The following EXOG variants were observed in gnomAD, a reference collection of about 807,000 sequenced individuals.
The protein encoded by EXOG is nuclease EXOG, mitochondrial.
EXOG carries 27 observed loss-of-function variants against 25.8 expected under a neutral mutation model. The observed-to-expected ratio is 1.05, with a 90% confidence interval of 0.77 to 1.45. The LOEUF (loss-of-function observed/expected upper bound fraction) is 1.45, where lower values mean the gene tolerates loss of function less well. Among genes scored for constraint, EXOG ranks in the 40% most tolerant of loss-of-function variants. The pLI is 0.00. For missense variants in EXOG, 458 were observed against 450.5 expected, an observed-to-expected ratio of 1.02 and a Z score of -0.15; for synonymous variants, 133 against 167.0, an observed-to-expected ratio of 0.80 and a Z score of 1.57.
intron 5 of EXOG, among the ~76,000 whole-genome samples, chr3:38,520,985 A>G (rs950135599): frequency 2.0e-5 from 3 of 152,190 alleles, no homozygotes; most frequent in East Asian, 3.9e-4. Flanking sequence ...TATTATGTAG[A>G]TTGAGTTGTC....
Position 38,496,372 on chromosome 3 carries a change from C to T in EXOG, c.5C>T (p.Ala2Val). The change falls in exon 1 of 6, where the codon GCT becomes GTT. Residue 2 changes from alanine to valine, a missense_variant. By Grantham distance (64) the Ala-to-Val change is moderately conservative. Coordinates refer to ENST00000287675, the MANE Select transcript of EXOG (RefSeq NM_005107.4). The stretch of plus-strand genomic sequence containing the variant: ...AAGGCCGGTACCTCGGGCAAGATGG[C>T]TATCAAGAGTATCGCTTCCCGCCTC... The part of the protein sequence containing the change: M[A>V]IKSIASRLRG... 2 of 1,613,312 alleles carry T rather than the reference C, an allele frequency of 1.2e-6. No individual in the cohort carries two copies. The highest frequency in any genetic ancestry group is 1.1e-5 in the South Asian group (1 of 91,016).
At chr3:38,499,566 T>C (rs2059986500) in intron 2 of EXOG, 4 of 422,258 alleles carry the variant, frequency 9.5e-6, no homozygotes, top group African/African-American at 8.3e-5. Context: ...AATGATGGAC[T>C]GAGTTATTCA....
chr3:38,512,909 A>T (rs1231126801), intron 5 of EXOG, among the ~76,000 whole-genome samples: 1 of 152,006 alleles, frequency 6.6e-6, no homozygotes, highest in Non-Finnish European at 1.5e-5. Flanking sequence ...AGATCTTCCC[A>T]CTTCAGCCTA....
intron 4 of EXOG, chr3:38,505,485 G>A (rs1488539333): frequency 2.6e-5 from 4 of 152,110 alleles, no homozygotes; most frequent in Middle Eastern, 3.4e-3. Context: ...AATTTTTAAG[G>A]CCAGTCAAGT....
intron 5 of EXOG, chr3:38,523,398 C>G (rs2060781661): frequency 1.1e-6 from 1 of 879,752 alleles, no homozygotes; most frequent in African/African-American, 1.8e-5. Context: ...GAGTCTTGCT[C>G]TGTCGGCCAG....
rs570766912 is a variant in EXOG, at chr3:38,525,120, A to G, written c.*758A>G. On this transcript the variant is annotated 3_prime_UTR_variant, in exon 6 of 6. Transcript: ENST00000287675. The stretch of plus-strand genomic sequence containing the variant: ...TCTGCTCATTAAATGTGTTCTATAT[A>G]CTAGGCTCAGTGCTTTACATGTGTT... 6 of 948,910 alleles carry G rather than the reference A, an allele frequency of 6.3e-6. No homozygotes were observed. Among genetic ancestry groups the G allele is most frequent in the East Asian group, 1.2e-4 (1 of 8,626 alleles). 58.8% of individuals were successfully genotyped at this position (948,910 alleles called of 1,614,324 possible). A position where few individuals can be genotyped will look rare whatever the true frequency, so the allele number is the denominator to read the frequency against.
intron 5 of EXOG, among the ~76,000 whole-genome samples, chr3:38,512,028 A>G (rs1224211821): frequency 1.3e-5 from 2 of 152,230 alleles, no homozygotes; most frequent in Non-Finnish European, 2.9e-5. Flanking sequence ...TTATCTACAG[A>G]AGCCCAAAAG....
chr3:38,506,903 G>A lies in EXOG; in HGVS notation c.580G>A (p.Val194Met), dbSNP rs2060216674. ...GACAGAAAGGTTTGAAGATGTTTGGGTGGTATCTGGGCCTTTGACCTTACC... is the reference window on the plus strand; with the variant it reads ...GACAGAAAGGTTTGAAGATGTTTGGATGGTATCTGGGCCTTTGACCTTACC... ...ELTERFEDVW[V>M]VSGPLTLPQT... Residue 194 changes from valine to methionine, a missense_variant, in exon 5 of 6, where the codon GTG (valine) becomes ATG (methionine). Coordinates refer to ENST00000287675, the MANE Select transcript of EXOG (RefSeq NM_005107.4). The A allele has an allele frequency of 2.5e-6, 4 of 1,607,442 alleles. No homozygotes were observed. The highest frequency in any genetic ancestry group is 3.4e-6 in the Non-Finnish European group (4 of 1,174,170).
intron 5 of EXOG, among the ~76,000 whole-genome samples, chr3:38,520,203 C>T (rs1364073013): frequency 6.6e-6 from 1 of 152,034 alleles, no homozygotes; most frequent in Non-Finnish European, 1.5e-5. Flanking sequence ...CTGGGTGGCA[C>T]AGGTGGTGGT....
At chr3:38,505,009 C>G (rs2060160829) in intron 4 of EXOG, among the ~76,000 whole-genome samples, 1 of 152,164 alleles carries the variant, frequency 6.6e-6, no homozygotes, top group Non-Finnish European at 1.5e-5. Flanking sequence ...TAGCAGATTG[C>G]AGATATTTTA....
chr3:38,514,463 C>T (rs1044956777), intron 5 of EXOG, among the ~76,000 whole-genome samples: 4 of 152,064 alleles, frequency 2.6e-5, no homozygotes, highest in Non-Finnish European at 2.9e-5. Context: ...GAATTCTGAA[C>T]CCTGGAGCAC....
rs182239408 is a variant in EXOG at position 38,518,559 on chromosome 3, C to T, written c.646-5342C>T. Reference sequence around the variant, plus strand: ...GTGCTTGGAAAGTGTTTTGTTTTCTCAGATCTAGCCATTTAATATTTACTG... The same window carrying T: ...GTGCTTGGAAAGTGTTTTGTTTTCTTAGATCTAGCCATTTAATATTTACTG... On this transcript the variant is annotated intron_variant, in intron 5 of 5. Transcript: ENST00000287675. 1.7e-4 allele frequency among the ~76,000 whole-genome samples: 26 copies of T among 152,314 alleles called. No individual in the cohort carries two copies. The East Asian group carries it at 4.8e-3, about 28-fold the overall frequency.
intron 5 of EXOG, among the ~76,000 whole-genome samples, chr3:38,521,109 T>A (rs1249984439): frequency 1.3e-5 from 2 of 152,236 alleles, no homozygotes; most frequent in African/African-American, 4.8e-5. Context: ...CCTGTCCCTA[T>A]ATTAGACAGA....
intron 5 of EXOG, 78 bp downstream of exon 5, chr3:38,507,046 A>G (rs780927038): frequency 1.7e-5 from 11 of 636,456 alleles, no homozygotes; most frequent in South Asian, 1.5e-4. Context: ...TTTTATTTTT[A>G]TTTTTATCAT....
In EXOG at chr3:38,512,536, A is replaced by T. The variant is rs184113365; in HGVS notation, c.645+5568A>T. 6.2e-4 allele frequency among the ~76,000 whole-genome samples: 94 copies of T among 152,314 alleles called. 1 individual carries two copies. The highest frequency in any genetic ancestry group is 8.1e-4 in the Non-Finnish European group (55 of 68,020). On this transcript the variant is annotated intron_variant, in intron 5 of 5. Transcript: ENST00000287675. ...ATTTATTGTTTATTTCTTGCACTGC[A>T]CTATACTCTGCTAGTCATATATACT...
chr3:38,520,051 T>C (rs1244341897), intron 5 of EXOG, among the ~76,000 whole-genome samples: 1 of 152,220 alleles, frequency 6.6e-6, no homozygotes, highest in Non-Finnish European at 1.5e-5. Flanking sequence ...TGTAACCAAA[T>C]ATATCTATCT....
intron 5 of EXOG, among the ~76,000 whole-genome samples, chr3:38,507,728 G>A (rs1249085760): frequency 6.6e-6 from 1 of 152,162 alleles, no homozygotes; most frequent in East Asian, 1.9e-4. Context: ...GCAAGGAGAT[G>A]AGTTAGGACA....
intron 5 of EXOG, among the ~76,000 whole-genome samples, chr3:38,516,871 G>GT (rs1373341832): frequency 2.0e-5 from 3 of 152,070 alleles, no homozygotes; most frequent in Non-Finnish European, 4.4e-5. Context: ...TTTGTCTGTT[G>GT]TTTGCTCATG....
At chr3:38,510,129 G>A (rs746857343) in intron 5 of EXOG, among the ~76,000 whole-genome samples, 2 of 152,152 alleles carry the variant, frequency 1.3e-5, no homozygotes, top group Non-Finnish European at 2.9e-5. Flanking sequence ...TACTCCTGGT[G>A]TGATGCACTG....
Sources: allele counts gnomAD v4.1 joint callset (sites outside exome capture counted in the v4.1 genomes callset), GRCh38; gene constraint gnomAD v4.1.1; transcripts MANE v1.5; gene names NCBI Gene and HGNC (gene_info 2026-07-23, HGNC 2026-07-21).